LARP6: variants seen among roughly 807,000 people sequenced by gnomAD.
The protein encoded by LARP6 is La ribonucleoprotein 6, translational regulator, also known as la-related protein 6.
A neutral mutation model predicts 32.8 loss-of-function variants in LARP6; 18 were observed. The ratio of observed to expected loss-of-function variants is 0.55; its 90% CI spans 0.38 to 0.81. The LOEUF (loss-of-function observed/expected upper bound fraction) is 0.81, where lower values mean the gene tolerates loss of function less well. Among genes scored for constraint, LARP6 ranks in the 40% least tolerant of loss-of-function variants. The pLI, the probability that LARP6 is intolerant of heterozygous loss-of-function variation, is 0.00. For missense variants in LARP6, 598 were observed against 663.1 expected, an observed-to-expected ratio of 0.90 and a Z score of 1.08; for synonymous variants, 289 against 267.2, an observed-to-expected ratio of 1.08 and a Z score of -0.80.
In LARP6 at chr15:70,832,173, G is replaced by T. The variant is rs1197322182; in HGVS notation, c.1355C>A (p.Pro452His). The change falls in exon 3 of 3, where the codon CCC becomes CAC. Residue 452 changes from proline (P) to histidine (H), a missense_variant. Physicochemically the swap from Pro to His is moderately conservative, Grantham distance 77. This residue lies in a region of LARP6 where 368 missense variants were observed against 397.9 expected (regional missense o/e 0.92). Transcript: ENST00000299213. ...GTQEKSPGTS[P>H]LLSRKMQTAD... ...AGTCTGCATCTTCCGGGAGAGCAGGGGACTCGTACCGGGGCTTTTCTCCTG... is the reference window on the plus strand; with the variant it reads ...AGTCTGCATCTTCCGGGAGAGCAGGTGACTCGTACCGGGGCTTTTCTCCTG... The T allele has an allele frequency of 1.2e-6, 2 of 1,613,710 alleles. No homozygotes were observed. Among genetic ancestry groups the T allele is most frequent in the African/African-American group, 2.7e-5 (2 of 74,932 alleles).
chr15:70,851,099 T>G (rs1480943063), intron 1 of LARP6, among the ~76,000 whole-genome samples: 1 of 152,214 alleles, frequency 6.6e-6, no homozygotes, highest in Non-Finnish European at 1.5e-5. Context: ...TTCAGGATTA[T>G]ATTAGGGAAT....
Position 70,853,890 on chromosome 15 carries a change from T to G in LARP6, c.199A>C (p.Ser67Arg). ...ASEEEPSRGHSGTTASGGENE... is the reference protein window; with the variant it reads ...ASEEEPSRGHRGTTASGGENE... ...TCCCGGGCCAGCCGCCGCGCCTACC[T>G]GTGCCCGCGGCTCGGCTCCTCCTCG... The change falls in exon 1 of 3, where the codon AGT (serine) becomes CGT (arginine). Residue 67 changes from serine to arginine, a missense_variant and splice_region_variant. By Grantham distance (110) the Ser-to-Arg change is moderately radical. Coordinates refer to ENST00000299213, the MANE Select transcript of LARP6 (RefSeq NM_018357.4). 7.7e-7 allele frequency: 1 copy of G among 1,301,832 alleles called. No individual in the cohort carries two copies. The highest frequency in any genetic ancestry group is 9.8e-7 in the Non-Finnish European group (1 of 1,022,510). 80.6% of individuals were successfully genotyped at this position (1,301,832 alleles called of 1,614,324 possible).
intron 1 of LARP6, among the ~76,000 whole-genome samples, chr15:70,843,014 T>G (rs1007088470): frequency 6.6e-6 from 1 of 152,188 alleles, no homozygotes; most frequent in Non-Finnish European, 1.5e-5. Flanking sequence ...TTTATGAATA[T>G]TAATTTTATA....
At chr15:70,846,890 A>G (rs2032357776) in intron 1 of LARP6, among the ~76,000 whole-genome samples, 1 of 152,206 alleles carries the variant, frequency 6.6e-6, no homozygotes, top group Non-Finnish European at 1.5e-5. Flanking sequence ...CTAGTCACAC[A>G]TTAAGGTCCA....
At position 70,832,178 on chromosome 15, in the gene LARP6, C is replaced by G; in HGVS notation, c.1350G>C (p.Thr450=). Residue 450 remains threonine, a synonymous_variant, in exon 3 of 3, where the codon ACG becomes ACC. Coordinates refer to ENST00000299213, the MANE Select transcript of LARP6 (RefSeq NM_018357.4). ...GCATCTTCCGGGAGAGCAGGGGACT[C>G]GTACCGGGGCTTTTCTCCTGGGTCC... ...EMGTQEKSPG[T]SPLLSRKMQT... is the part of the protein sequence containing the mutation. 3 of 1,613,876 alleles carry G rather than the reference C, an allele frequency of 1.9e-6. No individual in the cohort carries two copies. The highest frequency in any genetic ancestry group is 1.7e-6 in the Non-Finnish European group (2 of 1,179,882).
At chr15:70,851,129 T>C (rs2032440266) in intron 1 of LARP6, among the ~76,000 whole-genome samples, 1 of 152,176 alleles carries the variant, frequency 6.6e-6, no homozygotes, top group East Asian at 1.9e-4. Context: ...TTTTCTCAGT[T>C]GCAATAATAG....
At chr15:70,846,004 C>T (rs1265065289) in intron 1 of LARP6, among the ~76,000 whole-genome samples, 1 of 152,198 alleles carries the variant, frequency 6.6e-6, no homozygotes, top group Admixed American at 6.5e-5. Context: ...ATACCTGCTA[C>T]TTTCCACTGG....
chr15:70,846,621 A>AATAAATACATACATACATAC (rs144710337), intron 1 of LARP6, among the ~76,000 whole-genome samples: 6 of 148,766 alleles, frequency 4.0e-5, no homozygotes, highest in East Asian at 2.0e-4. Context: ...AAAATAAATA[A>AATAAATACATACATACATAC]ATACATACAT....
chr15:70,842,911 G>A (rs2032282352), intron 1 of LARP6, among the ~76,000 whole-genome samples: 1 of 152,168 alleles, frequency 6.6e-6, no homozygotes, highest in African/African-American at 2.4e-5. Context: ...GGGGGATCTT[G>A]GGGGAGTTGA....
chr15:70,851,878 T>A lies in LARP6; in HGVS notation c.200+2011A>T. 5.1e-6 allele frequency: 6 copies of A among 1,170,794 alleles called. No homozygotes were observed. In the South Asian group the frequency reaches 8.9e-5, roughly 17 times the overall value. The allele number at this position is 1,170,794 out of a possible 1,614,324, so 72.5% of individuals were successfully genotyped here. ...AGGCAGCGAAGTTTTAAAGGCTGAC[T>A]AGAAATCAGTCAATCAGAGGACCTA... On this transcript the variant is annotated intron_variant, in intron 1 of 2. Transcript: ENST00000299213.
chr15:70,851,759 A>C, intron 1 of LARP6: 1 of 1,613,728 alleles, frequency 6.2e-7, no homozygotes, highest in Non-Finnish European at 8.5e-7. Context: ...CAATTGTGGA[A>C]GGTGCTAGGC....
intron 1 of LARP6, among the ~76,000 whole-genome samples, chr15:70,836,778 G>C (rs978810795): frequency 6.6e-6 from 1 of 152,164 alleles, no homozygotes; most frequent in African/African-American, 2.4e-5. Context: ...AGAGACTGGG[G>C]TGATGTAGCA....
At chr15:70,835,418 A>G (rs753258655) in intron 2 of LARP6, among the ~76,000 whole-genome samples, 17 of 152,202 alleles carry the variant, frequency 1.1e-4, no homozygotes, top group Non-Finnish European at 2.2e-4. Flanking sequence ...CGCCTAGCAC[A>G]GCACTCAGCA....
chr15:70,829,825 G>T lies in LARP6; in HGVS notation c.*2227C>A, dbSNP rs141846859. 1 of 152,358 alleles carries T rather than the reference G, an allele frequency of 6.6e-6. No individual in the cohort carries two copies. The highest frequency in any genetic ancestry group is 1.5e-5 in the Non-Finnish European group (1 of 68,034). 9.4% of individuals were successfully genotyped at this position (152,358 alleles called of 1,614,324 possible). ...CATCTGTATTCACATGTAAAGGTGA[G>T]GGTGTAGGTATTTTTAAAAGTAACT... On this transcript the variant is annotated 3_prime_UTR_variant, in exon 3 of 3. Transcript: ENST00000299213.
In LARP6 at chr15:70,832,440, G is replaced by T. The variant is rs766179862; in HGVS notation, c.1088C>A (p.Pro363Gln). 6.4e-7 allele frequency: 1 copy of T among 1,571,342 alleles called. No individual in the cohort carries two copies. The highest frequency in any genetic ancestry group is 8.6e-7 in the Non-Finnish European group (1 of 1,160,628). The change falls in exon 3 of 3, where the codon CCG (proline) becomes CAG (glutamine). Residue 363 changes from proline to glutamine, a missense_variant. Physicochemically the swap from Pro to Gln is moderately conservative, Grantham distance 76 (BLOSUM62 -1). Coordinates refer to ENST00000299213, the MANE Select transcript of LARP6 (RefSeq NM_018357.4). The part of the protein sequence containing the change: ...RRHAATNKLS[P>Q]SGHQNLFLSP... ...CAGAAAGAGATTCTGGTGGCCAGAC[G>T]GGCTGAGCTTGTTGGTGGCCGCGTG...
rs2032579461 is a variant in LARP6, at chr15:70,854,096, G to A, written c.-8C>T. ...CCCGCCGGACTGGGCCATGGCTCGC[G>A]GGACTGCGGCGCCGCCGGGGTCCTC... On this transcript the variant is annotated 5_prime_UTR_variant, in exon 1 of 3. Coordinates refer to ENST00000299213, the MANE Select transcript of LARP6 (RefSeq NM_018357.4). 1.6e-6 allele frequency: 2 copies of A among 1,268,584 alleles called. No homozygotes were observed. The highest frequency in any genetic ancestry group is 3.9e-5 in the Admixed American group (1 of 25,566). The allele number at this position is 1,268,584 out of a possible 1,614,324, so 78.6% of individuals were successfully genotyped here.
chr15:70,839,425 G>A (rs184435924), intron 1 of LARP6, among the ~76,000 whole-genome samples: 1 of 132,536 alleles, frequency 7.5e-6, no homozygotes, highest in African/African-American at 2.7e-5. Flanking sequence ...GGGTGACAGA[G>A]TGAGACTGTC....
At position 70,832,775 on chromosome 15, in the gene LARP6, G is replaced by T; in HGVS notation, c.753C>A (p.Ser251Arg). 2 of 1,607,170 alleles carry T rather than the reference G, an allele frequency of 1.2e-6. No homozygotes were observed. Among genetic ancestry groups the T allele is most frequent in the East Asian group, 2.2e-5 (1 of 44,866 alleles). ...PDIRRISSRY[S>R]QVGTQECAIV... ...TGGCGCACTCCTGGGTCCCCACTTG[G>T]CTGTAGCGGCTGCTGATCCTCCGGA... Residue 251 changes from serine (S) to arginine (R), a missense_variant, in exon 3 of 3, where the codon AGC becomes AGA. Coordinates refer to ENST00000299213, the MANE Select transcript of LARP6 (RefSeq NM_018357.4).
intron 1 of LARP6, among the ~76,000 whole-genome samples, chr15:70,839,395 G>A (rs998521558): frequency 6.3e-4 from 94 of 149,836 alleles, no homozygotes; most frequent in African/African-American, 2.2e-3. Context: ...AGCGGAGATC[G>A]CACCACTGCC....
Sources: gnomAD v4.1 joint callset for allele counts (sites outside exome capture counted in the v4.1 genomes callset) on GRCh38, gnomAD v4.1.1 for gene constraint, gnomAD v4.1.1 regional missense constraint, MANE v1.5 for transcripts, NCBI Gene and HGNC (gene_info 2026-07-23, HGNC 2026-07-21) for gene names.